The following ASIC3 variants were observed in gnomAD, a reference collection of about 807,000 sequenced individuals.
ASIC3 encodes acid sensing ion channel subunit 3.
Under a neutral mutation model 58.6 loss-of-function variants are expected in ASIC3, and 46 were observed. The ratio of observed to expected loss-of-function variants is 0.79; its 90% CI spans 0.62 to 1.00. The LOEUF is 1.00. Among genes scored for constraint, ASIC3 ranks in the 50% least tolerant of loss-of-function variants. ASIC3 has a pLI of 0.00. For synonymous variants in ASIC3, 336 were observed against 300.2 expected, an observed-to-expected ratio of 1.12 and a Z score of -1.23; for missense variants, 770 against 735.0, an observed-to-expected ratio of 1.05 and a Z score of -0.55.
chr7:151,051,729 G>A, intron 6 of ASIC3, 81 bp from the exon 7 acceptor site: 2 of 1,437,988 alleles, frequency 1.4e-6, no homozygotes, highest in Non-Finnish European at 1.9e-6. Context: ...TGAAAGGAGT[G>A]GGAGAACCCA....
chr7:151,050,713 C>G, intron 3 of ASIC3, 45 bp from the exon 4 acceptor site: 1 of 1,606,646 alleles, frequency 6.2e-7, no homozygotes, highest in Non-Finnish European at 8.5e-7. Context: ...CCCAGCTGGC[C>G]TCTCACGCTC....
Position 151,048,735 on chromosome 7 carries a change from C to T in ASIC3, c.-151C>T. 1.0e-6 allele frequency: 1 copy of T among 952,400 alleles called. No individual in the cohort carries two copies. 59.0% of individuals were successfully genotyped at this position (952,400 alleles called of 1,614,324 possible). On this transcript the variant is annotated 5_prime_UTR_variant, in exon 1 of 11. Coordinates refer to ENST00000349064, the MANE Select transcript of ASIC3 (RefSeq NM_004769.4). ...CTCCAATCCTGCCAGGCTAGTGCCT[C>T]CCTGCCTTCCAACCTTGGCTGTCTC...
chr7:151,049,337 C>A lies in ASIC3; in HGVS notation c.452C>A (p.Ala151Asp), dbSNP rs952057471. The change falls in exon 1 of 11, where the codon GCC (alanine) becomes GAC (aspartate). Residue 151 changes from alanine to aspartate, a missense_variant. Physicochemically the swap from Ala to Asp is moderately radical, Grantham distance 126 (BLOSUM62 -2). Coordinates refer to ENST00000349064, the MANE Select transcript of ASIC3 (RefSeq NM_004769.4). Reference protein sequence around the residue: ...SPTFDMAQLYARAGHSLDDML... With the variant: ...SPTFDMAQLYDRAGHSLDDML... ...ACCTTTGACATGGCGCAACTCTATG[C>A]CCGTGCTGGGCACTCCCTGGATGAC... is the stretch of plus-strand genomic sequence containing the variant. 3.7e-6 allele frequency: 6 copies of A among 1,613,040 alleles called. No homozygotes were observed. The highest frequency in any genetic ancestry group is 4.2e-6 in the Non-Finnish European group (5 of 1,179,922).
At position 151,052,596 on chromosome 7, in the gene ASIC3, G is replaced by C; in HGVS notation, c.1540G>C (p.Val514Leu). Residue 514 changes from valine (V) to leucine (L), a missense_variant, in exon 11 of 11, where the codon GTC becomes CTC. Transcript: ENST00000349064. The surrounding 1 kb of genome is among the most constrained non-coding windows in gnomAD (Gnocchi z 5.0). ...GPRPPTPPCA[V>L]TKTLSASHRT... ...AAGACCTCCCACCCCTCCCTGTGCC[G>C]TCACCAAGACTCTCTCCGCCTCCCA... The C allele has an allele frequency of 6.2e-7, 1 of 1,613,388 alleles. No individual in the cohort carries two copies. Among genetic ancestry groups the C allele is most frequent in the Non-Finnish European group, 8.5e-7 (1 of 1,179,798 alleles).
chr7:151,052,569 CG>C lies in ASIC3; in HGVS notation c.1518-4del. 1 of 1,613,644 alleles carries C rather than the reference CG, an allele frequency of 6.2e-7. No homozygotes were observed. The highest frequency in any genetic ancestry group is 1.6e-4 in the Middle Eastern group (1 of 6,062). ...CCCACCCCAGCACTCTGCTCTGTTC[CG>C]AAGACCTCCCACCCCTCCCTGTGCC... On this transcript the variant is annotated splice_region_variant and splice_polypyrimidine_tract_variant and intron_variant, in intron 10 of 10. Transcript: ENST00000349064. This position sits in a 1 kb window ranked among gnomAD's most constrained non-coding sequence, Gnocchi z 5.0.
rs374163546 is a variant in ASIC3 at position 151,048,940 on chromosome 7, G to T, written c.55G>T (p.Val19Leu). The change falls in exon 1 of 11, where the codon GTG becomes TTG. Residue 19 changes from valine to leucine, a missense_variant. Transcript: ENST00000349064. ...CCGGCGGCCAGCCTCGGACATCCGC[G>T]TGTTCGCCAGCAACTGCTCGATGCA... Reference protein sequence around the residue: ...EARRPASDIRVFASNCSMHGL... With the variant: ...EARRPASDIRLFASNCSMHGL... 1 of 1,582,272 alleles carries T rather than the reference G, an allele frequency of 6.3e-7. No individual in the cohort carries two copies. Among genetic ancestry groups the T allele is most frequent in the Non-Finnish European group, 8.6e-7 (1 of 1,160,348 alleles).
At position 151,051,215 on chromosome 7, in the gene ASIC3, C is replaced by T. The variant is rs1470092605; in HGVS notation, c.1110C>T (p.Cys370=). 6.3e-7 allele frequency: 1 copy of T among 1,580,538 alleles called. No homozygotes were observed. The change falls in exon 6 of 11, where the codon TGC becomes TGT. Residue 370 remains cysteine (C), a synonymous_variant. Transcript: ENST00000349064. ...ACTCGTGCGCCTGCCCCAACCCGTG[C>T]GCCAGCACGCGCTACGCCAAGGAGC... The part of the protein sequence containing the change: ...RKDSCACPNP[C]ASTRYAKELS...
Position 151,050,798 on chromosome 7 carries a change from C to T in ASIC3, c.854C>T (p.Ala285Val), listed in dbSNP as rs1165759932. The T allele has an allele frequency of 2.5e-6, 4 of 1,613,912 alleles. No homozygotes were observed. The highest frequency in any genetic ancestry group is 1.1e-5 in the South Asian group (1 of 91,092). The change falls in exon 4 of 11, where the codon GCA becomes GTA. Residue 285 changes from alanine (A) to valine (V), a missense_variant. Ala to Val is a moderately conservative substitution (Grantham distance 64). Transcript: ENST00000349064. The stretch of plus-strand genomic sequence containing the variant: ...CCGCCCTGGGGCGATTGCAGTTCAG[C>T]ATCTCTGAACCCCAACTATGAGCCA... ...LPPPWGDCSS[A>V]SLNPNYEPEP...
rs1485094700 is a variant in ASIC3 at position 151,050,590 on chromosome 7, T to C, written c.795T>C (p.Val265=). The C allele has an allele frequency of 6.2e-7, 1 of 1,614,028 alleles. No homozygotes were observed. Among genetic ancestry groups the C allele is most frequent in the South Asian group, 1.1e-5 (1 of 91,084 alleles). The change falls in exon 3 of 11, where the codon GTT becomes GTC. Residue 265 remains valine (V), a synonymous_variant. Coordinates refer to ENST00000349064, the MANE Select transcript of ASIC3 (RefSeq NM_004769.4). ...LGVSPGYQTF[V]SCQQQQLSFL... Reference sequence around the variant, plus strand: ...TGTCCCCGGGCTACCAGACCTTTGTTTCTTGCCAGCAGCAGCAGGTACCCT... The same window carrying C: ...TGTCCCCGGGCTACCAGACCTTTGTCTCTTGCCAGCAGCAGCAGGTACCCT...
Position 151,051,263 on chromosome 7 carries a change from C to A in ASIC3, c.1158C>A (p.Ser386Arg). 6.5e-7 allele frequency: 1 copy of A among 1,532,072 alleles called. No homozygotes were observed. Among genetic ancestry groups the A allele is most frequent in the Non-Finnish European group, 8.7e-7 (1 of 1,147,482 alleles). The allele number at this position is 1,532,072 out of a possible 1,614,324, so 94.9% of individuals were successfully genotyped here. Residue 386 changes from serine to arginine, a missense_variant, in exon 6 of 11, where the codon AGC becomes AGA. Ser to Arg is a moderately radical substitution (Grantham distance 110). Coordinates refer to ENST00000349064, the MANE Select transcript of ASIC3 (RefSeq NM_004769.4). ...AGCTCTCCATGGTGCGGATCCCGAG[C>A]CGCGCCGCCGCGCGCTTCCTGGCCC... ...AKELSMVRIP[S>R]RAAARFLARK...
rs200274938 is a variant in ASIC3, at chr7:151,050,461, C to T, written c.686-20C>T. The T allele has an allele frequency of 6.2e-7, 1 of 1,612,514 alleles. No individual in the cohort carries two copies. Among genetic ancestry groups the T allele is most frequent in the Non-Finnish European group, 8.5e-7 (1 of 1,179,312 alleles). ...AGACCTGACCACACAGGTCAGGCCT[C>T]ACAGGTCCCTCCCCGACAGAGGAGA... is the stretch of plus-strand genomic sequence containing the variant. On this transcript the variant is annotated intron_variant, in intron 2 of 10. Coordinates refer to ENST00000349064, the MANE Select transcript of ASIC3 (RefSeq NM_004769.4).
intron 6 of ASIC3, 95 bp downstream of exon 6, chr7:151,051,414 C>T (rs1379347523): frequency 2.9e-6 from 4 of 1,372,274 alleles, no homozygotes; most frequent in African/African-American, 1.5e-5. Context: ...GCGCACAGCC[C>T]GGGCGGAGGC....
In ASIC3 at chr7:151,048,559, C is replaced by T. The variant is rs1240015195; in HGVS notation, c.-327C>T. ...TGCAGCAGCGCCGGCTCAGCACCGC[C>T]GGCTCAGCACCGCTCCGCAGCCCCT... On this transcript the variant is annotated 5_prime_UTR_variant, in exon 1 of 11. Transcript: ENST00000349064. 2.9e-5 allele frequency: 10 copies of T among 346,212 alleles called. No homozygotes were observed. The highest frequency in any genetic ancestry group is 4.2e-5 in the Non-Finnish European group (8 of 190,512). The allele number at this position is 346,212 out of a possible 1,614,324, so 21.4% of individuals were successfully genotyped here.
Position 151,050,179 on chromosome 7 carries a change from G to C in ASIC3, c.608G>C (p.Arg203Thr). The part of the protein sequence containing the change: ...ADGAELLTTT[R>T]GGMGNGLDIM... ...GGGGCAGAGCTGCTCACCACTACTAGGGGTGGCATGGGCAATGGGCTGGAC... is the reference window on the plus strand; with the variant it reads ...GGGGCAGAGCTGCTCACCACTACTACGGGTGGCATGGGCAATGGGCTGGAC... The change falls in exon 2 of 11, where the codon AGG becomes ACG. Residue 203 changes from arginine to threonine, a missense_variant. Transcript: ENST00000349064. 6.2e-7 allele frequency: 1 copy of C among 1,614,138 alleles called. No homozygotes were observed. The highest frequency in any genetic ancestry group is 8.5e-7 in the Non-Finnish European group (1 of 1,180,010).
In ASIC3 at chr7:151,048,814, C is replaced by T; in HGVS notation, c.-72C>T. The T allele has an allele frequency of 1.3e-6, 2 of 1,503,574 alleles. No individual in the cohort carries two copies. The highest frequency in any genetic ancestry group is 1.8e-6 in the Non-Finnish European group (2 of 1,123,592). The allele number at this position is 1,503,574 out of a possible 1,614,324, so 93.1% of individuals were successfully genotyped here. A position where few individuals can be genotyped will look rare whatever the true frequency, so the allele number is the denominator to read the frequency against. On this transcript the variant is annotated 5_prime_UTR_variant, in exon 1 of 11. Transcript: ENST00000349064. Reference sequence around the variant, plus strand: ...GCCTCCTGAATCCTATCTTAGCCTCCTTAGCCCCCTGACTGACTCTCTCTC... The same window carrying T: ...GCCTCCTGAATCCTATCTTAGCCTCTTTAGCCCCCTGACTGACTCTCTCTC...
At chr7:151,051,603 C>G (rs1430514570) in intron 6 of ASIC3, among the ~76,000 whole-genome samples, 1 of 151,378 alleles carries the variant, frequency 6.6e-6, no homozygotes, top group Non-Finnish European at 1.5e-5. Context: ...GGAGGGGACT[C>G]GCTGTATTGC....
rs892616451 is a variant in ASIC3 at position 151,050,020 on chromosome 7, C to G, written c.535-86C>G. 3.2e-6 allele frequency: 5 copies of G among 1,570,830 alleles called. No individual in the cohort carries two copies. In the African/African-American group the frequency reaches 4.0e-5, roughly 13 times the overall value. On this transcript the variant is annotated intron_variant, in intron 1 of 10. Transcript: ENST00000349064. ...CGGGCTTCAGTATTCAAAGAAGAGA[C>G]GCAAACATACCATGAGGTGGGGAGA...
In ASIC3 at chr7:151,052,541, G is replaced by A. The variant is rs769116431; in HGVS notation, c.1518-33G>A. ...CAGGCTCAGGACAGTGGGTGTGCCC[G>A]TTCCCACCCCAGCACTCTGCTCTGT... is the stretch of plus-strand genomic sequence containing the variant. On this transcript the variant is annotated intron_variant, in intron 10 of 10. Transcript: ENST00000349064. This position sits in a 1 kb window ranked among gnomAD's most constrained non-coding sequence, Gnocchi z 5.0. 4.3e-6 allele frequency: 7 copies of A among 1,613,514 alleles called. No individual in the cohort carries two copies. Among genetic ancestry groups the A allele is most frequent in the East Asian group, 2.2e-5 (1 of 44,872 alleles).
Position 151,052,498 on chromosome 7 carries a change from A to T in ASIC3, c.1517+24A>T. ...AGGTAACACATAATGGCCCCCTAAA[A>T]TCAAGGGAGGGCAGGGGCAGGCTCA... On this transcript the variant is annotated intron_variant, in intron 10 of 10. Transcript: ENST00000349064. The surrounding 1 kb of genome is among the most constrained non-coding windows in gnomAD (Gnocchi z 5.0). 1.2e-6 allele frequency: 2 copies of T among 1,613,906 alleles called. No individual in the cohort carries two copies. The highest frequency in any genetic ancestry group is 1.7e-6 in the Non-Finnish European group (2 of 1,179,928).
Sources: gnomAD v4.1 joint callset for allele counts (sites outside exome capture counted in the v4.1 genomes callset) on GRCh38, gnomAD v4.1.1 for gene constraint, Gnocchi (gnomAD v3.1) non-coding constraint, MANE v1.5 for transcripts, NCBI Gene and HGNC (gene_info 2026-07-23, HGNC 2026-07-21) for gene names.